Variants in UHRF1 observed in about 807,000 individuals in gnomAD.
UHRF1 encodes ubiquitin like with PHD and ring finger domains 1.
In UHRF1, 9 loss-of-function variants were observed where a neutral mutation model predicts 96.5. That is an observed-to-expected ratio of 0.09 (90% CI 0.06 to 0.16). The LOEUF is 0.16. Ranked by LOEUF, UHRF1 falls within the 10% of genes least tolerant of loss-of-function variation. The pLI, the probability that UHRF1 is intolerant of heterozygous loss-of-function variation, is 1.00. For missense variants in UHRF1, 626 were observed against 1,131.1 expected, an observed-to-expected ratio of 0.55 and a Z score of 6.40; for synonymous variants, 455 against 469.9, an observed-to-expected ratio of 0.97 and a Z score of 0.41.
intron 5 of UHRF1, among the ~76,000 whole-genome samples, chr19:4,939,882 G>A (rs1168747107): frequency 6.6e-6 from 1 of 152,114 alleles, no homozygotes; most frequent in Non-Finnish European, 1.5e-5. Context: ...AAATTAGCCA[G>A]GCGTGGTGGC....
chr19:4,917,515 A>T (rs531393302), intron 2 of UHRF1, among the ~76,000 whole-genome samples: 1 of 151,426 alleles, frequency 6.6e-6, no homozygotes, highest in Non-Finnish European at 1.5e-5. Context: ...TTAGCTGGGG[A>T]TGGTGGTGCA....
At chr19:4,933,360 C>T (rs960156834) in intron 5 of UHRF1, among the ~76,000 whole-genome samples, 34 of 152,260 alleles carry the variant, frequency 2.2e-4, no homozygotes, top group South Asian at 2.1e-4. Flanking sequence ...GGACTACAGG[C>T]GTCTACCACC....
chr19:4,944,315 T>G (rs957910919), intron 8 of UHRF1, 28 bp from the exon 9 acceptor site: 3 of 1,613,968 alleles, frequency 1.9e-6, no homozygotes, highest in Admixed American at 3.3e-5. Context: ...GCTCACGCTG[T>G]TGTTCTTTGT....
chr19:4,956,150 C>T (rs17878304), intron 15 of UHRF1, among the ~76,000 whole-genome samples: 7,775 of 152,170 alleles, frequency 0.051, 272 homozygotes, highest in Non-Finnish European at 0.073. Flanking sequence ...AGGCTGGTCT[C>T]GAACTCCTGA....
At chr19:4,920,168 A>G (rs2032658059) in intron 2 of UHRF1, among the ~76,000 whole-genome samples, 1 of 152,112 alleles carries the variant, frequency 6.6e-6, no homozygotes, top group Non-Finnish European at 1.5e-5. Flanking sequence ...GCAGCGGCTC[A>G]TGCTTGTAAT....
At chr19:4,906,534 A>C (rs911742979), upstream of UHRF1, among the ~76,000 whole-genome samples, 1 of 152,130 alleles carries the variant, frequency 6.6e-6, no homozygotes, top group Admixed American at 6.5e-5. Flanking sequence ...CGGGCAGATC[A>C]CCTAAGGTCA....
chr19:4,941,603 C>T lies in UHRF1; in HGVS notation c.861C>T (p.Ser287=), dbSNP rs562218834. 2.5e-6 allele frequency: 4 copies of T among 1,613,626 alleles called. No individual in the cohort carries two copies. The South Asian group carries it at 4.4e-5, about 18-fold the overall frequency. The change falls in exon 6 of 17, where the codon AGC becomes AGT. Residue 287 remains serine, a synonymous_variant. Coordinates refer to ENST00000650932, the MANE Select transcript of UHRF1 (RefSeq NM_001048201.3). ...AGATTGAGCGGCCGGGTGAAGGGAG[C>T]CCCATGGTTGACAACCCCATGAGAC... The part of the protein sequence containing the change: ...VFKIERPGEG[S]PMVDNPMRRK...
At chr19:4,923,276 G>A (rs769370626) in intron 2 of UHRF1, among the ~76,000 whole-genome samples, 14 of 152,118 alleles carry the variant, frequency 9.2e-5, no homozygotes, top group Non-Finnish European at 1.6e-4. Context: ...TCCTGGCTCC[G>A]TCTGCTCCTC....
intron 16 of UHRF1, among the ~76,000 whole-genome samples, chr19:4,957,279 A>C (rs994425236): frequency 6.9e-6 from 1 of 145,794 alleles, no homozygotes. Flanking sequence ...TAGGAGGGAC[A>C]CAAGATCCCA....
chr19:4,929,578 C>A, intron 3 of UHRF1, 102 bp downstream of exon 3: 1 of 1,475,226 alleles, frequency 6.8e-7, no homozygotes, highest in Non-Finnish European at 9.1e-7. Context: ...ACGCGCCTCT[C>A]TAGCTCTGGC....
At chr19:4,959,921 C>T (rs780264788) in intron 16 of UHRF1, among the ~76,000 whole-genome samples, 3 of 152,194 alleles carry the variant, frequency 2.0e-5, no homozygotes, top group Non-Finnish European at 4.4e-5. Flanking sequence ...AGTGCAATGG[C>T]GTGATCTCAG....
rs1418209955 is a variant in UHRF1 at position 4,930,299 on chromosome 19, C to A, written c.409-417C>A. ...CTGTTTTATTTTTTAGTAGACACAG[C>A]GTCTTACCATGTTGCCCAGGCTAGT... On this transcript the variant is annotated intron_variant, in intron 3 of 16. Coordinates refer to ENST00000650932, the MANE Select transcript of UHRF1 (RefSeq NM_001048201.3). The surrounding 1 kb of genome is among the most constrained non-coding windows in gnomAD (Gnocchi z 4.4). 6.6e-6 allele frequency among the ~76,000 whole-genome samples: 1 copy of A among 152,092 alleles called. No homozygotes were observed. The highest frequency in any genetic ancestry group is 6.6e-5 in the Admixed American group (1 of 15,266).
chr19:4,924,278 T>C (rs2032797934), intron 2 of UHRF1, among the ~76,000 whole-genome samples: 1 of 152,076 alleles, frequency 6.6e-6, no homozygotes, highest in Admixed American at 6.6e-5. Flanking sequence ...GCCTCCCGAG[T>C]AGCTGGGACT....
In UHRF1 at chr19:4,909,520, C is replaced by T. The variant is rs985166668; in HGVS notation, c.-146C>T. 5 of 657,042 alleles carry T rather than the reference C, an allele frequency of 7.6e-6. No homozygotes were observed. The highest frequency in any genetic ancestry group is 5.7e-5 in the African/African-American group (3 of 52,530). The allele number at this position is 657,042 out of a possible 1,614,324, so 40.7% of individuals were successfully genotyped here. A position where few individuals can be genotyped will look rare whatever the true frequency, so the allele number is the denominator to read the frequency against. On this transcript the variant is annotated 5_prime_UTR_variant, in exon 1 of 17. Transcript: ENST00000650932. ...AAAATCAGAGCAGCTGGCAGCGCGG[C>T]GGGCAGCGTTTGCCGAGCGGGCGCT... is the stretch of plus-strand genomic sequence containing the variant.
chr19:4,933,433 C>T (rs868535119), intron 5 of UHRF1, among the ~76,000 whole-genome samples: 23 of 152,254 alleles, frequency 1.5e-4, no homozygotes, highest in Non-Finnish European at 2.5e-4. Flanking sequence ...CCAGGATGGT[C>T]TCGATCTCCT....
Position 4,948,693 on chromosome 19 carries a change from T to C in UHRF1, c.1517+1482T>C, listed in dbSNP as rs931549468. 2.9e-4 allele frequency among the ~76,000 whole-genome samples: 44 copies of C among 152,118 alleles called. 1 individual carries two copies. Among genetic ancestry groups the C allele is most frequent in the African/African-American group, 1.1e-3 (44 of 41,520 alleles). On this transcript the variant is annotated intron_variant, in intron 11 of 16. Transcript: ENST00000650932. ...GGCAGGCACCTGTAATCCCAGCTAC[T>C]TGGGAGGCTGAGGCAGAATTGCTTG...
chr19:4,930,849 A>T lies in UHRF1; in HGVS notation c.542A>T (p.Asp181Val). ...ACGTCCAGGCCGGCGCTGGAGGAGG[A>T]CGTCATTTACCACGTGAAATACGAC... ...SSTSRPALEE[D>V]VIYHVKYDDY... is the part of the protein sequence containing the mutation. Residue 181 changes from aspartate to valine, a missense_variant, in exon 4 of 17, where the codon GAC becomes GTC. This residue lies in a region of UHRF1 where 198 missense variants were observed against 235.1 expected (regional missense o/e 0.84). Transcript: ENST00000650932. The surrounding 1 kb of genome is among the most constrained non-coding windows in gnomAD (Gnocchi z 4.4). 2 of 1,613,848 alleles carry T rather than the reference A, an allele frequency of 1.2e-6. No homozygotes were observed. Among genetic ancestry groups the T allele is most frequent in the Non-Finnish European group, 1.7e-6 (2 of 1,179,858 alleles).
At chr19:4,936,547 G>C (rs1325730849) in intron 5 of UHRF1, among the ~76,000 whole-genome samples, 1 of 152,124 alleles carries the variant, frequency 6.6e-6, no homozygotes, top group African/African-American at 2.4e-5. Context: ...ACTTCTAAAT[G>C]CAAGCCCTCT....
intron 4 of UHRF1, among the ~76,000 whole-genome samples, chr19:4,932,243 T>G (rs559802510): frequency 3.9e-5 from 6 of 151,950 alleles, no homozygotes; most frequent in African/African-American, 1.5e-4. Flanking sequence ...AATTTTTGTA[T>G]TTTTAGTAGA....
Sources: gnomAD v4.1 joint callset for allele counts (sites outside exome capture counted in the v4.1 genomes callset) on GRCh38, gnomAD v4.1.1 for gene constraint, gnomAD v4.1.1 regional missense constraint, Gnocchi (gnomAD v3.1) non-coding constraint, MANE v1.5 for transcripts, NCBI Gene and HGNC (gene_info 2026-07-23, HGNC 2026-07-21) for gene names.